The following IQCJ variants were observed in gnomAD, a reference collection of about 807,000 sequenced individuals.
IQCJ encodes IQ domain-containing protein J.
In IQCJ, 9 loss-of-function variants were observed where a neutral mutation model predicts 11.0. That is an observed-to-expected ratio of 0.82 (90% CI 0.49 to 1.43). The LOEUF (loss-of-function observed/expected upper bound fraction) is 1.43, where lower values mean the gene tolerates loss of function less well. Among genes scored for constraint, IQCJ ranks in the 40% most tolerant of loss-of-function variants. IQCJ has a pLI of 0.00. For missense variants in IQCJ, 146 were observed against 133.2 expected, an observed-to-expected ratio of 1.10 and a Z score of -0.47; for synonymous variants, 55 against 51.3, an observed-to-expected ratio of 1.07 and a Z score of -0.31.
At chr3:159,208,954 G>A (rs1207283547) in intron 1 of IQCJ, among the ~76,000 whole-genome samples, 4 of 152,168 alleles carry the variant, frequency 2.6e-5, no homozygotes, top group African/African-American at 9.7e-5. Context: ...AGAAACACCT[G>A]GAGCTGATAA....
rs142192638 is a variant in IQCJ, at chr3:159,180,999, G to A, written c.10-64844G>A. 2.6e-4 allele frequency among the ~76,000 whole-genome samples: 40 copies of A among 151,880 alleles called. 1 individual carries two copies. The highest frequency in any genetic ancestry group is 1.4e-3 in the East Asian group (7 of 5,146). On this transcript the variant is annotated intron_variant, in intron 1 of 3. Transcript: ENST00000397832. ...TGAAAAAATATATTCTTGATTAAAC[G>A]TACATGTTGTCTTCTCCTCTTCCCT...
chr3:159,086,475 G>A (rs1292941474), intron 1 of IQCJ, among the ~76,000 whole-genome samples: 2 of 152,166 alleles, frequency 1.3e-5, no homozygotes, highest in Non-Finnish European at 2.9e-5. Flanking sequence ...TAGCTTGATG[G>A]GGATGGCATT....
At chr3:159,127,081 G>A (rs993362149) in intron 1 of IQCJ, among the ~76,000 whole-genome samples, 2 of 152,228 alleles carry the variant, frequency 1.3e-5, no homozygotes, top group Non-Finnish European at 2.9e-5. Flanking sequence ...TGGGCATGAT[G>A]CTGACAGGTT....
intron 1 of IQCJ, among the ~76,000 whole-genome samples, chr3:159,234,518 G>A (rs1460139259): frequency 6.6e-6 from 1 of 152,082 alleles, no homozygotes; most frequent in Non-Finnish European, 1.5e-5. Flanking sequence ...AATTATTGGA[G>A]ATGGGCCCGG....
chr3:159,159,372 A>C (rs1179189479), intron 1 of IQCJ, among the ~76,000 whole-genome samples: 2 of 152,114 alleles, frequency 1.3e-5, no homozygotes, highest in Non-Finnish European at 2.9e-5. Flanking sequence ...TAGGAGGGTA[A>C]TTTGCTCTTT....
At chr3:159,165,431 G>T (rs960818809) in intron 1 of IQCJ, among the ~76,000 whole-genome samples, 1 of 152,238 alleles carries the variant, frequency 6.6e-6, no homozygotes, top group Admixed American at 6.5e-5. Flanking sequence ...AGACAGATGT[G>T]GGGGATGGCA....
intron 1 of IQCJ, among the ~76,000 whole-genome samples, chr3:159,201,398 T>A (rs1472244169): frequency 1.3e-5 from 2 of 152,130 alleles, no homozygotes; most frequent in Admixed American, 6.5e-5. Flanking sequence ...AGCACGTTAG[T>A]GGAGAAAAAA....
intron 2 of IQCJ, among the ~76,000 whole-genome samples, chr3:159,248,764 A>G (rs1727421214): frequency 6.6e-6 from 1 of 152,152 alleles, no homozygotes; most frequent in Admixed American, 6.5e-5. Flanking sequence ...TTATTCAATA[A>G]TCTCCTCATG....
chr3:159,246,900 A>C (rs1376998696), intron 2 of IQCJ, among the ~76,000 whole-genome samples: 4 of 152,202 alleles, frequency 2.6e-5, no homozygotes, highest in Non-Finnish European at 5.9e-5. Context: ...TGTGACTCAG[A>C]TAAGGAAAAA....
intron 1 of IQCJ, among the ~76,000 whole-genome samples, chr3:159,111,397 G>T (rs1329312281): frequency 1.3e-5 from 2 of 151,000 alleles, no homozygotes; most frequent in Non-Finnish European, 3.0e-5. Flanking sequence ...TGAAAATGAT[G>T]AAAAAAAAAC....
chr3:159,155,923 T>C (rs1467704256), intron 1 of IQCJ, among the ~76,000 whole-genome samples: 2 of 152,212 alleles, frequency 1.3e-5, no homozygotes, highest in Non-Finnish European at 2.9e-5. Flanking sequence ...TGTACATTTA[T>C]TAAGTGGTTG....
At chr3:159,125,006 T>C (rs905811337) in intron 1 of IQCJ, among the ~76,000 whole-genome samples, 8 of 152,284 alleles carry the variant, frequency 5.3e-5, no homozygotes, top group Admixed American at 5.2e-4. Flanking sequence ...AAAAGCAAGG[T>C]ACCCACTCCT....
chr3:159,105,731 A>T (rs1369671895), intron 1 of IQCJ, among the ~76,000 whole-genome samples: 1 of 152,184 alleles, frequency 6.6e-6, no homozygotes, highest in Non-Finnish European at 1.5e-5. Flanking sequence ...TGGTGGTATA[A>T]GGAAGAACAA....
At chr3:159,225,677 A>G (rs1725815810) in intron 1 of IQCJ, among the ~76,000 whole-genome samples, 1 of 152,110 alleles carries the variant, frequency 6.6e-6, no homozygotes. Context: ...TTCCACCACC[A>G]AGAAATTCTC....
intron 1 of IQCJ, among the ~76,000 whole-genome samples, chr3:159,091,670 G>A (rs112265094): frequency 0.064 from 4,004 of 62,510 alleles, 135 homozygotes; most frequent in Non-Finnish European, 0.098. Flanking sequence ...ACACACACAC[G>A]CATGCACACA....
At chr3:159,143,963 G>A (rs1435274917) in intron 1 of IQCJ, among the ~76,000 whole-genome samples, 1 of 152,182 alleles carries the variant, frequency 6.6e-6, no homozygotes, top group African/African-American at 2.4e-5. Context: ...GGGGTTCAAT[G>A]TTGTATCTTC....
intron 1 of IQCJ, among the ~76,000 whole-genome samples, chr3:159,207,105 T>C (rs1251047683): frequency 6.6e-6 from 1 of 152,244 alleles, no homozygotes. Flanking sequence ...AATATCCAAA[T>C]AGACTTCTAC....
At chr3:159,254,779 C>A (rs1727795795) in intron 3 of IQCJ, among the ~76,000 whole-genome samples, 1 of 152,122 alleles carries the variant, frequency 6.6e-6, no homozygotes, top group Non-Finnish European at 1.5e-5. Context: ...GTACTAAATA[C>A]CAAGACTGCC....
At chr3:159,169,279 C>CTTTTTTTTTTTTTTTT (rs141888128) in intron 1 of IQCJ, among the ~76,000 whole-genome samples, 73 of 56,284 alleles carry the variant, frequency 1.3e-3, no homozygotes, top group Middle Eastern at 0.018. Flanking sequence ...TTCTTTCTTT[C>CTTTTTTTTTTTTTTTT]TTTTTTTTTT....
Sources: gnomAD v4.1 joint callset for allele counts (sites outside exome capture counted in the v4.1 genomes callset) on GRCh38, gnomAD v4.1.1 for gene constraint, MANE v1.5 for transcripts, NCBI Gene and HGNC (gene_info 2026-07-23, HGNC 2026-07-21) for gene names.